IL27RA: variants seen among roughly 807,000 people sequenced by gnomAD.
The protein encoded by IL27RA is interleukin-27 receptor subunit alpha.
A neutral mutation model predicts 80.8 loss-of-function variants in IL27RA; 61 were observed. That is an observed-to-expected ratio of 0.76 (90% CI 0.61 to 0.93). The LOEUF is 0.93. IL27RA is among the 40% of genes least tolerant of loss of function. The pLI is 0.00. For synonymous variants in IL27RA, 316 were observed against 332.5 expected (o/e 0.95, Z 0.54); for missense variants, 735 against 808.1 (o/e 0.91, Z 1.10).
chr19:14,032,587 G>A lies in IL27RA; in HGVS notation c.218+84G>A. On this transcript the variant is annotated intron_variant, in intron 2 of 13. Coordinates refer to ENST00000263379, the MANE Select transcript of IL27RA (RefSeq NM_004843.4). ...GGCTGCTTTGGTTGAAAGGTTCCAG[G>A]AGTCAAGCCTGGCCAACATGGTGAA... 3 of 699,326 alleles carry A rather than the reference G, an allele frequency of 4.3e-6. No individual in the cohort carries two copies. In the South Asian group the frequency reaches 5.3e-5, roughly 12 times the overall value. The allele number at this position is 699,326 out of a possible 1,614,324, so 43.3% of individuals were successfully genotyped here.
In IL27RA at chr19:14,051,701, G is replaced by A; in HGVS notation, c.1622+1G>A. ...GCCTGAGCCTGGCCACCTCTGGAAGGTGAGGCTGTCGGATACATGCATCTC... is the reference window on the plus strand; with the variant it reads ...GCCTGAGCCTGGCCACCTCTGGAAGATGAGGCTGTCGGATACATGCATCTC... On this transcript the variant is annotated splice_donor_variant, in intron 12 of 13. Transcript: ENST00000263379. LOFTEE classifies it high-confidence loss of function. The A allele has an allele frequency of 6.3e-7, 1 of 1,599,866 alleles. No individual in the cohort carries two copies. Among genetic ancestry groups the A allele is most frequent in the Non-Finnish European group, 8.5e-7 (1 of 1,171,814 alleles).
chr19:14,048,483 T>A (rs1029850630), intron 8 of IL27RA, among the ~76,000 whole-genome samples: 1 of 152,086 alleles, frequency 6.6e-6, no homozygotes. Flanking sequence ...GCTACCATGG[T>A]AGGTGCTGTC....
intron 4 of IL27RA, among the ~76,000 whole-genome samples, chr19:14,041,617 G>A (rs1975990059): frequency 6.6e-6 from 1 of 152,150 alleles, no homozygotes; most frequent in African/African-American, 2.4e-5. Context: ...TGTAAAACGA[G>A]ATAATAATAG....
intron 6 of IL27RA, among the ~76,000 whole-genome samples, chr19:14,042,997 C>T (rs998416211): frequency 4.6e-5 from 7 of 151,834 alleles, no homozygotes; most frequent in Non-Finnish European, 1.0e-4. Flanking sequence ...CAAAACTTCA[C>T]GGGGAGTGGT....
At chr19:14,032,586 G>A in intron 2 of IL27RA, 83 bp downstream of exon 2, 1 of 756,084 alleles carries the variant, frequency 1.3e-6, no homozygotes, top group Admixed American at 2.3e-5. Context: ...AAAGGTTCCA[G>A]GAGTCAAGCC....
chr19:14,042,678 TCC>T (rs1476712343), intron 5 of IL27RA, 36 bp from the exon 6 acceptor site: 1 of 1,613,798 alleles, frequency 6.2e-7, no homozygotes, highest in African/African-American at 1.3e-5. Context: ...TCCAATCATG[TCC>T]CACTCATTTG....
intron 2 of IL27RA, among the ~76,000 whole-genome samples, chr19:14,038,012 G>A (rs1220735223): frequency 6.6e-6 from 1 of 151,754 alleles, no homozygotes; most frequent in Non-Finnish European, 1.5e-5. Flanking sequence ...TGTATTTTTA[G>A]TAGAGACGGG....
At chr19:14,044,042 CTG>C (rs1410766364) in intron 6 of IL27RA, among the ~76,000 whole-genome samples, 2 of 127,792 alleles carry the variant, frequency 1.6e-5, no homozygotes, top group African/African-American at 6.4e-5. Context: ...GAGCAAGACT[CTG>C]TCTCACAAAA....
intron 2 of IL27RA, among the ~76,000 whole-genome samples, chr19:14,036,210 G>C (rs1181407194): frequency 1.3e-5 from 2 of 152,012 alleles, no homozygotes; most frequent in African/African-American, 4.8e-5. Flanking sequence ...GCCTAGGGTA[G>C]TCTCAAACTC....
chr19:14,035,399 GT>G (rs887239185), intron 2 of IL27RA, among the ~76,000 whole-genome samples: 2 of 150,346 alleles, frequency 1.3e-5, no homozygotes, highest in Admixed American at 6.7e-5. Context: ...AGGGGGCCTA[GT>G]TTTTTTTTAT....
rs1263596583 is a variant in IL27RA, at chr19:14,046,476, G to T, written c.999G>T (p.Gly333=). Reference sequence around the variant, plus strand: ...GCGTGGCAGTCAGCAGCATCGCTGGGAGCACGGAGCTACTGGTGACCTGGC... The same window carrying T: ...GCGTGGCAGTCAGCAGCATCGCTGGTAGCACGGAGCTACTGGTGACCTGGC... ...PRSVAVSSIA[G]STELLVTWQP... The change falls in exon 8 of 14, where the codon GGG becomes GGT. Residue 333 remains glycine, a synonymous_variant. Coordinates refer to ENST00000263379, the MANE Select transcript of IL27RA (RefSeq NM_004843.4). 6.2e-7 allele frequency: 1 copy of T among 1,614,038 alleles called. No homozygotes were observed. Among genetic ancestry groups the T allele is most frequent in the African/African-American group, 1.3e-5 (1 of 74,916 alleles).
At chr19:14,049,614 G>T (rs1455719715) in intron 10 of IL27RA, among the ~76,000 whole-genome samples, 1 of 144,198 alleles carries the variant, frequency 6.9e-6, no homozygotes, top group African/African-American at 2.6e-5. Context: ...ACAGAGTCTC[G>T]CTTTGTCACC....
At chr19:14,041,604 G>A (rs780647806) in intron 4 of IL27RA, among the ~76,000 whole-genome samples, 36 of 152,052 alleles carry the variant, frequency 2.4e-4, no homozygotes, top group African/African-American at 8.2e-4. Context: ...CAGTTCCCTC[G>A]TCTGTAAAAC....
At chr19:14,035,103 C>T (rs1250448304) in intron 2 of IL27RA, among the ~76,000 whole-genome samples, 1 of 150,872 alleles carries the variant, frequency 6.6e-6, no homozygotes, top group Non-Finnish European at 1.5e-5. Flanking sequence ...GATCCTCCCA[C>T]CTCAGCCTCC....
intron 2 of IL27RA, among the ~76,000 whole-genome samples, chr19:14,036,328 T>C (rs1975897827): frequency 6.6e-6 from 1 of 151,992 alleles, no homozygotes; most frequent in Non-Finnish European, 1.5e-5. Flanking sequence ...CTTCTCCCCC[T>C]AGCCTCTGTA....
intron 8 of IL27RA, among the ~76,000 whole-genome samples, chr19:14,048,760 A>T (rs1007102296): frequency 1.3e-5 from 2 of 152,068 alleles, no homozygotes; most frequent in African/African-American, 4.8e-5. Context: ...GAGGTCCCCC[A>T]TGGGACTGCG....
At chr19:14,041,831 C>T (rs914396917) in intron 4 of IL27RA, among the ~76,000 whole-genome samples, 2 of 151,946 alleles carry the variant, frequency 1.3e-5, no homozygotes, top group African/African-American at 2.4e-5. Context: ...TTTGGGAGGC[C>T]GAGGTGGGCA....
chr19:14,038,605 C>T (rs1049544860), intron 2 of IL27RA, among the ~76,000 whole-genome samples: 2 of 150,110 alleles, frequency 1.3e-5, no homozygotes, highest in African/African-American at 4.9e-5. Context: ...GAGGAAAGGG[C>T]CGGGCGCAGT....
chr19:14,035,525 A>G (rs558046867), intron 2 of IL27RA, among the ~76,000 whole-genome samples: 75 of 151,932 alleles, frequency 4.9e-4, no homozygotes, highest in Non-Finnish European at 4.7e-4. Context: ...CCTCCAGAGT[A>G]GTTGGGATTA....
Sources: gnomAD v4.1 joint callset for allele counts (sites outside exome capture counted in the v4.1 genomes callset) on GRCh38, gnomAD v4.1.1 for gene constraint, MANE v1.5 for transcripts, NCBI Gene and HGNC (gene_info 2026-07-23, HGNC 2026-07-21) for gene names.